Variants in ELN observed in about 807,000 individuals in gnomAD.
ELN encodes the protein elastin, also known as tropoelastin.
In ELN, 65 loss-of-function variants were observed where a neutral mutation model predicts 105.8. The observed-to-expected ratio is 0.61, with a 90% CI of 0.50 to 0.75. The LOEUF (loss-of-function observed/expected upper bound fraction) is 0.75. Ranked by LOEUF, ELN falls within the 30% of genes least tolerant of loss-of-function variation. The probability of loss-of-function intolerance (pLI) is 0.00; values close to 1 mark genes in which losing one functional copy is unlikely to be tolerated. For synonymous variants in ELN, 368 were observed against 389.2 expected, an observed-to-expected ratio of 0.95 and a Z score of 0.64; for missense variants, 882 against 969.4, an observed-to-expected ratio of 0.91 and a Z score of 1.20.
At chr7:74,046,040 A>G in intron 10 of ELN, 148 bp from the exon 11 acceptor site, 2 of 1,157,592 alleles carry the variant, frequency 1.7e-6, no homozygotes, top group Non-Finnish European at 2.5e-6. Flanking sequence ...CATCTCCGAA[A>G]AAAGAAACCC....
rs1554688660 is a variant in ELN, at chr7:74,065,694, G to A, written c.1994G>A (p.Gly665Asp). Residue 665 changes from glycine (G) to aspartate (D), a missense_variant and splice_region_variant, in exon 30 of 33, where the codon GGT (glycine) becomes GAT (aspartate). By Grantham distance (94) the Gly-to-Asp change is moderately conservative (BLOSUM62 -1). Coordinates refer to ENST00000252034, the MANE Select transcript of ELN (RefSeq NM_000501.4). ...LGVPGVGGLG[G>D]IPPAAAAKAA... ...GCCGTCATGTGCCTCATCTCCCCAGGTATACCTCCAGCTGCAGCCGCTAAA... is the reference window on the plus strand; with the variant it reads ...GCCGTCATGTGCCTCATCTCCCCAGATATACCTCCAGCTGCAGCCGCTAAA... 1.2e-6 allele frequency: 2 copies of A among 1,613,682 alleles called. No individual in the cohort carries two copies. Among genetic ancestry groups the A allele is most frequent in the East Asian group, 4.5e-5 (2 of 44,848 alleles).
intron 15 of ELN, among the ~76,000 whole-genome samples, 163 bp downstream of exon 15, chr7:74,048,719 A>G (rs1793158695): frequency 2.0e-5 from 3 of 151,966 alleles, no homozygotes; most frequent in African/African-American, 7.3e-5. Context: ...CCATTCTTCC[A>G]TGCATCCATG....
chr7:74,032,106 T>C (rs60883031), intron 1 of ELN, among the ~76,000 whole-genome samples: 17,397 of 152,042 alleles, frequency 0.11, 1,389 homozygotes, highest in East Asian at 0.21. Context: ...AGGATGTTTG[T>C]GGAAGGAGGT....
intron 4 of ELN, 26 bp from the exon 5 acceptor site, chr7:74,041,190 C>T (rs1554668197): frequency 1.9e-6 from 3 of 1,613,882 alleles, no homozygotes; most frequent in Admixed American, 1.7e-5. Context: ...ACTGCCTACA[C>T]TCCTGTCTCT....
intron 10 of ELN, 73 bp downstream of exon 10, chr7:74,045,366 G>C: frequency 6.4e-7 from 1 of 1,568,490 alleles, no homozygotes; most frequent in East Asian, 2.3e-5. Flanking sequence ...GTGTGAAATG[G>C]GGTGGGATCC....
intron 4 of ELN, among the ~76,000 whole-genome samples, chr7:74,040,681 C>T (rs565903176): frequency 6.6e-6 from 1 of 152,098 alleles, no homozygotes; most frequent in Non-Finnish European, 1.5e-5. Flanking sequence ...AGCGATTGGG[C>T]CCAGATGTGG....
chr7:74,064,789 A>T (rs997302028), intron 29 of ELN, among the ~76,000 whole-genome samples: 8 of 152,116 alleles, frequency 5.3e-5, no homozygotes, highest in African/African-American at 1.9e-4. Context: ...CAAAGCTTGG[A>T]GAGAAATTGC....
chr7:74,065,383 G>C (rs1554688346), intron 29 of ELN, among the ~76,000 whole-genome samples: 1 of 151,970 alleles, frequency 6.6e-6, no homozygotes, highest in East Asian at 1.9e-4. Context: ...GGGAGGCCGA[G>C]GCAGGTGGAT....
chr7:74,030,153 T>A (rs1554661383), intron 1 of ELN, among the ~76,000 whole-genome samples: 1 of 152,212 alleles, frequency 6.6e-6, no homozygotes, highest in African/African-American at 2.4e-5. Flanking sequence ...TGTGAACTGA[T>A]GAGCTCGTGT....
intron 15 of ELN, 123 bp downstream of exon 15, chr7:74,048,679 C>T (rs1554674133): frequency 9.1e-7 from 1 of 1,094,730 alleles, no homozygotes; most frequent in Non-Finnish European, 1.4e-6. Context: ...AAATTTTCAA[C>T]ATCACCCATC....
In ELN at chr7:74,060,052, G is replaced by A. The variant is rs1249403781; in HGVS notation, c.1576+5G>A. On this transcript the variant is annotated splice_donor_5th_base_variant and intron_variant, in intron 23 of 32. Transcript: ENST00000252034. ...TTGGCCCTGGTGGAGTTGCAGGTGAGTTTCATGAGTCAATGAGCCTGAGGG... is the reference window on the plus strand; with the variant it reads ...TTGGCCCTGGTGGAGTTGCAGGTGAATTTCATGAGTCAATGAGCCTGAGGG... The A allele has an allele frequency of 6.2e-7, 1 of 1,613,984 alleles. No homozygotes were observed. The highest frequency in any genetic ancestry group is 1.3e-5 in the African/African-American group (1 of 74,894).
intron 22 of ELN, 149 bp from the exon 23 acceptor site, chr7:74,059,737 G>A (rs1554682653): frequency 1.3e-6 from 1 of 760,042 alleles, no homozygotes; most frequent in African/African-American, 1.7e-5. Flanking sequence ...TATTAGGGAG[G>A]AGGAAGCTGA....
At chr7:74,064,723 T>C (rs1797578106) in intron 29 of ELN, among the ~76,000 whole-genome samples, 1 of 152,286 alleles carries the variant, frequency 6.6e-6, no homozygotes, top group Admixed American at 6.5e-5. Flanking sequence ...ACCTGACCAC[T>C]GCGGTGGGAG....
rs1193994871 is a variant in ELN at position 74,041,248 on chromosome 7, G to A, written c.229G>A (p.Ala77Thr). The change falls in exon 5 of 33, where the codon GCA (alanine) becomes ACA (threonine). Residue 77 changes from alanine to threonine, a missense_variant. Transcript: ENST00000252034. ...AGGGCTTGCGGGTGCTGGCCTTGGG[G>A]CAGGTGAGTGCTGACACCCAAGAAA... ...PGGLAGAGLG[A>T]GLGAFPAVTF... 6.2e-7 allele frequency: 1 copy of A among 1,613,882 alleles called. No individual in the cohort carries two copies. Among genetic ancestry groups the A allele is most frequent in the Non-Finnish European group, 8.5e-7 (1 of 1,179,898 alleles).
At chr7:74,031,834 C>CAGAA (rs1178592560) in intron 1 of ELN, among the ~76,000 whole-genome samples, 6 of 119,548 alleles carry the variant, frequency 5.0e-5, no homozygotes, top group South Asian at 2.7e-4. Context: ...GAGAGAGAGA[C>CAGAA]AGAAAGAAAG....
intron 6 of ELN, 65 bp from the exon 7 acceptor site, chr7:74,042,919 A>G (rs1405369725): frequency 6.2e-7 from 1 of 1,612,130 alleles, no homozygotes; most frequent in East Asian, 2.2e-5. Context: ...CTCAGCATGC[A>G]GCCCCGGGCC....
rs368292481 is a variant in ELN, at chr7:74,045,217, G to A, written c.470-5G>A. ...TCCTACACTCACTGCTTTGTCCCCC[G>A]GCAGGAGCTCGGTTCCCCGGTGTGG... On this transcript the variant is annotated splice_region_variant and splice_polypyrimidine_tract_variant and intron_variant, in intron 9 of 32. Transcript: ENST00000252034. The A allele has an allele frequency of 2.8e-4, 455 of 1,614,002 alleles. 10 individuals are homozygous for A. The South Asian group carries it at 4.5e-3, about 16-fold the overall frequency.
At chr7:74,042,889 C>G in intron 6 of ELN, 95 bp from the exon 7 acceptor site, 1 of 1,603,498 alleles carries the variant, frequency 6.2e-7, no homozygotes, top group South Asian at 1.1e-5. Flanking sequence ...AGTAACGGGG[C>G]CAGACCTCAA....
At chr7:74,038,495 G>A (rs890299391) in intron 4 of ELN, among the ~76,000 whole-genome samples, 4 of 152,198 alleles carry the variant, frequency 2.6e-5, no homozygotes, top group South Asian at 2.1e-4. Context: ...TCCTGGCCTC[G>A]CCCAAGGGGC....
Sources: gnomAD v4.1 joint callset for allele counts (sites outside exome capture counted in the v4.1 genomes callset) on GRCh38, gnomAD v4.1.1 for gene constraint, MANE v1.5 for transcripts, NCBI Gene and HGNC (gene_info 2026-07-23, HGNC 2026-07-21) for gene names.